The following ARB2A variants were observed in gnomAD, a reference collection of about 807,000 sequenced individuals.
ARB2A encodes ARB2 cotranscriptional regulator A, also known as cotranscriptional regulator ARB2A.
At chr5:93,646,307 T>TA in the ARB2A span, among the ~76,000 whole-genome samples, 21 of 151,378 alleles carry the variant, frequency 1.4e-4, no homozygotes, top group Admixed American at 4.6e-4. Flanking sequence ...ATGCCAAAAA[T>TA]AAAAAAAAAT....
the ARB2A span, among the ~76,000 whole-genome samples, chr5:93,904,099 T>A: frequency 6.6e-6 from 1 of 151,968 alleles, no homozygotes; most frequent in South Asian, 2.1e-4. Context: ...AGAAAAAACA[T>A]AGGTGACAGT....
chr5:93,997,121 C>T, the ARB2A span, among the ~76,000 whole-genome samples: 3 of 151,910 alleles, frequency 2.0e-5, no homozygotes, highest in Non-Finnish European at 2.9e-5. Flanking sequence ...TTTCTGTATG[C>T]CAAGTGAATT....
chr5:93,699,385 GAA>G, the ARB2A span, among the ~76,000 whole-genome samples: 1 of 152,140 alleles, frequency 6.6e-6, no homozygotes, highest in Non-Finnish European at 1.5e-5. Flanking sequence ...CTAGAATGTG[GAA>G]AGACTATTTT....
the ARB2A span, among the ~76,000 whole-genome samples, chr5:94,086,741 C>T: frequency 5.3e-5 from 8 of 151,982 alleles, no homozygotes; most frequent in Non-Finnish European, 8.8e-5. Flanking sequence ...TTAGTAGAGA[C>T]GGGGTTTCAC....
the ARB2A span, among the ~76,000 whole-genome samples, chr5:93,945,284 G>T: frequency 6.6e-6 from 1 of 152,080 alleles, no homozygotes; most frequent in African/African-American, 2.4e-5. Context: ...TGTGGTGGCA[G>T]GTGCCTGTAA....
chr5:93,901,938 A>C, the ARB2A span, among the ~76,000 whole-genome samples: 1 of 152,118 alleles, frequency 6.6e-6, no homozygotes, highest in Non-Finnish European at 1.5e-5. Flanking sequence ...AAAACAGGTA[A>C]AATTAACAAA....
the ARB2A span, among the ~76,000 whole-genome samples, chr5:93,856,023 C>T: frequency 0.012 from 1,845 of 151,976 alleles, 22 homozygotes; most frequent in Non-Finnish European, 0.019. Context: ...CTACGAGCTA[C>T]AGGAGGAAAT....
the ARB2A span, among the ~76,000 whole-genome samples, chr5:93,915,941 T>C: frequency 6.6e-6 from 1 of 152,070 alleles, no homozygotes; most frequent in Non-Finnish European, 1.5e-5. Context: ...TCATTTAATA[T>C]TTGTTTCCAA....
chr5:93,887,870 A>G, the ARB2A span, among the ~76,000 whole-genome samples: 19 of 151,938 alleles, frequency 1.3e-4, no homozygotes, highest in Non-Finnish European at 2.8e-4. Flanking sequence ...ACATGCATCA[A>G]TGTCAGCTCC....
chr5:94,078,195 T>C, the ARB2A span, among the ~76,000 whole-genome samples: 5 of 152,212 alleles, frequency 3.3e-5, no homozygotes, highest in Admixed American at 6.5e-5. Context: ...TCTGAATGCA[T>C]TGATGAAAGT....
chr5:94,043,033 A>C, the ARB2A span, among the ~76,000 whole-genome samples: 4 of 152,118 alleles, frequency 2.6e-5, no homozygotes, highest in Non-Finnish European at 5.9e-5. Flanking sequence ...ATCCACAGGC[A>C]ATTGTTGTCT....
At chr5:93,648,725 C>A in the ARB2A span, among the ~76,000 whole-genome samples, 1 of 152,166 alleles carries the variant, frequency 6.6e-6, no homozygotes, top group Non-Finnish European at 1.5e-5. Context: ...CACAGCTGAA[C>A]TGAGGGACTT....
chr5:94,052,892 A>G, the ARB2A span, among the ~76,000 whole-genome samples: 1 of 152,186 alleles, frequency 6.6e-6, no homozygotes, highest in Non-Finnish European at 1.5e-5. Context: ...ACGTAACTTG[A>G]CAACTACAGA....
the ARB2A span, among the ~76,000 whole-genome samples, chr5:93,897,168 G>A: frequency 4.6e-5 from 7 of 151,616 alleles, no homozygotes; most frequent in East Asian, 1.9e-4. Context: ...AAAATATCCC[G>A]GATCAAAACA....
At chr5:93,667,115 C>A in the ARB2A span, among the ~76,000 whole-genome samples, 1 of 152,098 alleles carries the variant, frequency 6.6e-6, no homozygotes, top group Non-Finnish European at 1.5e-5. Flanking sequence ...ATCAAAAATT[C>A]TTGCAGCGAC....
At chr5:93,807,897 C>T in the ARB2A span, among the ~76,000 whole-genome samples, 195 of 152,068 alleles carry the variant, frequency 1.3e-3, no homozygotes, top group Middle Eastern at 3.4e-3. Flanking sequence ...GAGACATCTG[C>T]AGTAAAGTTT....
the ARB2A span, among the ~76,000 whole-genome samples, chr5:93,762,292 A>T: frequency 6.6e-6 from 1 of 152,196 alleles, no homozygotes; most frequent in East Asian, 1.9e-4. Flanking sequence ...CAAAGAAGTT[A>T]AAAACCTTGA....
chr5:93,793,689 A>T, the ARB2A span, among the ~76,000 whole-genome samples: 1 of 152,196 alleles, frequency 6.6e-6, no homozygotes, highest in Non-Finnish European at 1.5e-5. Context: ...AATGACTTAC[A>T]TCACAGGTTG....
At chr5:94,080,227 T>G in the ARB2A span, among the ~76,000 whole-genome samples, 32 of 152,062 alleles carry the variant, frequency 2.1e-4, no homozygotes, top group Non-Finnish European at 1.3e-4. Flanking sequence ...TATGAGGCAA[T>G]TATGAGCATC....
Sources: allele counts gnomAD v4.1 joint callset (sites outside exome capture counted in the v4.1 genomes callset), GRCh38; gene constraint gnomAD v4.1.1; transcripts MANE v1.5; gene names NCBI Gene and HGNC (gene_info 2026-07-23, HGNC 2026-07-21).